OR5M3: variants seen among roughly 807,000 people sequenced by gnomAD.
The protein encoded by OR5M3 is olfactory receptor family 5 subfamily M member 3.
For missense variants in OR5M3, 384 were observed against 378.6 expected, an observed-to-expected ratio of 1.01 and a Z score of -0.12; for synonymous variants, 129 against 131.3, an observed-to-expected ratio of 0.98 and a Z score of 0.12.
chr11:56,470,581 T>A, intron 1 of OR5M3, 40 bp from the exon 2 acceptor site: 1 of 730,676 alleles, frequency 1.4e-6, no homozygotes, highest in Non-Finnish European at 2.1e-6. Flanking sequence ...ATTTATTTAT[T>A]AATTTATACC....
chr11:56,473,021 A>C (rs1565149256), intron 1 of OR5M3, among the ~76,000 whole-genome samples, 200 bp downstream of exon 1: 1 of 152,144 alleles, frequency 6.6e-6, no homozygotes, highest in Non-Finnish European at 1.5e-5. Context: ...AAATATGAAA[A>C]CAATTATCAG....
chr11:56,472,330 T>C (rs530009249), intron 1 of OR5M3, among the ~76,000 whole-genome samples: 7 of 152,208 alleles, frequency 4.6e-5, no homozygotes, highest in Admixed American at 3.9e-4. Flanking sequence ...ATCTCTAAGA[T>C]CCTTAGATTT....
At position 56,470,542 on chromosome 11, in the gene OR5M3, C is replaced by T. The variant is rs948846798; in HGVS notation, c.-44-1G>A. The T allele has an allele frequency of 2.7e-6, 3 of 1,091,730 alleles. No homozygotes were observed. Among genetic ancestry groups the T allele is most frequent in the Non-Finnish European group, 3.9e-6 (3 of 768,460 alleles). The allele number at this position is 1,091,730 out of a possible 1,614,324, so 67.6% of individuals were successfully genotyped here. A position where few individuals can be genotyped will look rare whatever the true frequency, so the allele number is the denominator to read the frequency against. ...TATCAGTTACAAAACTTTTTGATAA[C>T]TAAAATAAAATAAAGGAAATATTAG... is the stretch of plus-strand genomic sequence containing the variant. On this transcript the variant is annotated splice_acceptor_variant, in intron 1 of 1. Transcript: ENST00000641993. LOFTEE classifies it low-confidence loss of function (5UTR_SPLICE).
chr11:56,469,452 C>G lies in OR5M3; in HGVS notation c.*122G>C, dbSNP rs906377291. On this transcript the variant is annotated 3_prime_UTR_variant, in exon 2 of 2. Transcript: ENST00000641993. ...CCTTATATTTTCTCAATTTGTACCA[C>G]TTTTATTTTTCTTTTCAACCCACAG... 1 of 567,082 alleles carries G rather than the reference C, an allele frequency of 1.8e-6. No individual in the cohort carries two copies. The allele number at this position is 567,082 out of a possible 1,614,324, so 35.1% of individuals were successfully genotyped here.
intron 1 of OR5M3, among the ~76,000 whole-genome samples, chr11:56,471,632 C>T (rs548256819): frequency 1.3e-4 from 20 of 151,956 alleles, no homozygotes; most frequent in Middle Eastern, 3.4e-3. Context: ...TACACTCACA[C>T]GCACACACAC....
At chr11:56,471,641 ACCT>A (rs1853668295) in intron 1 of OR5M3, among the ~76,000 whole-genome samples, 1 of 151,674 alleles carries the variant, frequency 6.6e-6, no homozygotes, top group Non-Finnish European at 1.5e-5. Flanking sequence ...ACGCACACAC[ACCT>A]CTATTTATGT....
chr11:56,469,952 G>A lies in OR5M3; in HGVS notation c.546C>T (p.Leu182=). The A allele has an allele frequency of 1.2e-6, 2 of 1,613,054 alleles. No individual in the cohort carries two copies. The highest frequency in any genetic ancestry group is 2.2e-5 in the South Asian group (2 of 91,056). The change falls in exon 2 of 2, where the codon CTC becomes CTT. Residue 182 remains leucine (L), a synonymous_variant. Transcript: ENST00000641993. The part of the protein sequence containing the change: ...INHFYCADPP[L]IKMACAGTFV... ...AGGTCCCAGCACAGGCCATTTTGAT[G>A]AGAGGTGGATCTGCACAGTAGAAAT...
At position 56,473,203 on chromosome 11, in the gene OR5M3, G is replaced by A. The variant is rs1853683563; in HGVS notation, c.-45+18C>T. ...AAGCTCCATCTGACAATTCCAGATA[G>A]ATACATTTTTCACCAACCTGAGAAT... On this transcript the variant is annotated intron_variant, in intron 1 of 1. Transcript: ENST00000641993. 6.6e-6 allele frequency: 1 copy of A among 152,050 alleles called. No homozygotes were observed. Among genetic ancestry groups the A allele is most frequent in the African/African-American group, 2.4e-5 (1 of 41,418 alleles). 9.4% of individuals were successfully genotyped at this position (152,050 alleles called of 1,614,324 possible). A position where few individuals can be genotyped will look rare whatever the true frequency, so the allele number is the denominator to read the frequency against.
Position 56,470,535 on chromosome 11 carries a change from T to G in OR5M3, c.-38A>C, listed in dbSNP as rs1295568306. 5.9e-6 allele frequency: 7 copies of G among 1,188,190 alleles called. No individual in the cohort carries two copies. The highest frequency in any genetic ancestry group is 8.2e-6 in the Non-Finnish European group (7 of 848,784). The allele number at this position is 1,188,190 out of a possible 1,614,324, so 73.6% of individuals were successfully genotyped here. On this transcript the variant is annotated 5_prime_UTR_variant, in exon 2 of 2. Coordinates refer to ENST00000641993, the MANE Select transcript of OR5M3 (RefSeq NM_001004742.3). Reference sequence around the variant, plus strand: ...AAGTCAATATCAGTTACAAAACTTTTTGATAACTAAAATAAAATAAAGGAA... The same window carrying G: ...AAGTCAATATCAGTTACAAAACTTTGTGATAACTAAAATAAAATAAAGGAA...
chr11:56,472,637 G>A (rs144500864), intron 1 of OR5M3, among the ~76,000 whole-genome samples: 43 of 152,136 alleles, frequency 2.8e-4, no homozygotes, highest in Non-Finnish European at 4.9e-4. Context: ...TAGGGGGTGC[G>A]AAGTGTACAA....
Position 56,469,881 on chromosome 11 carries a change from G to A in OR5M3, c.617C>T (p.Thr206Ile). 1.2e-6 allele frequency: 2 copies of A among 1,613,210 alleles called. No homozygotes were observed. The highest frequency in any genetic ancestry group is 3.3e-4 in the Middle Eastern group (2 of 6,054). The change falls in exon 2 of 2, where the codon ACA (threonine) becomes ATA (isoleucine). Residue 206 changes from threonine (T) to isoleucine (I), a missense_variant. Coordinates refer to ENST00000641993, the MANE Select transcript of OR5M3 (RefSeq NM_001004742.3). Reference sequence around the variant, plus strand: ...GATGATAATTACAGTCAGGGAATATGTGAAGTTAATGCCGGCAAGTATGAT... The same window carrying A: ...GATGATAATTACAGTCAGGGAATATATGAAGTTAATGCCGGCAAGTATGAT... ...TMIILAGINF[T>I]YSLTVIIISY...
At chr11:56,472,277 A>G (rs1427022777) in intron 1 of OR5M3, among the ~76,000 whole-genome samples, 5 of 152,102 alleles carry the variant, frequency 3.3e-5, no homozygotes, top group Non-Finnish European at 7.4e-5. Flanking sequence ...GCCTTAGAAT[A>G]TATTTATATA....
chr11:56,470,711 T>C (rs1170972887), intron 1 of OR5M3, among the ~76,000 whole-genome samples, 170 bp from the exon 2 acceptor site: 3 of 152,114 alleles, frequency 2.0e-5, no homozygotes, highest in Non-Finnish European at 2.9e-5. Flanking sequence ...GTCCCTATTA[T>C]ATAACAATTA....
At chr11:56,470,915 T>C (rs1408774209) in intron 1 of OR5M3, among the ~76,000 whole-genome samples, 1 of 152,046 alleles carries the variant, frequency 6.6e-6, no homozygotes, top group Non-Finnish European at 1.5e-5. Flanking sequence ...TTTTACCTAA[T>C]CTCTTTTTCA....
intron 1 of OR5M3, among the ~76,000 whole-genome samples, chr11:56,471,001 A>G (rs577563491): frequency 3.5e-4 from 53 of 152,218 alleles, no homozygotes; most frequent in African/African-American, 1.3e-3. Flanking sequence ...TGTTATAAAA[A>G]TGTTTTTAAT....
intron 1 of OR5M3, among the ~76,000 whole-genome samples, chr11:56,471,688 T>C (rs1355740528): frequency 2.6e-5 from 4 of 151,962 alleles, no homozygotes; most frequent in African/African-American, 7.2e-5. Flanking sequence ...CACACATATG[T>C]ATATAAACAT....
At chr11:56,472,309 G>C (rs1019008752) in intron 1 of OR5M3, among the ~76,000 whole-genome samples, 34 of 152,168 alleles carry the variant, frequency 2.2e-4, no homozygotes, top group African/African-American at 7.7e-4. Flanking sequence ...ATCTGTTACA[G>C]AGTTGTTAAA....
At chr11:56,473,146 T>C (rs1352244139) in intron 1 of OR5M3, 75 bp downstream of exon 1, 2 of 152,130 alleles carry the variant, frequency 1.3e-5, no homozygotes, top group Non-Finnish European at 2.9e-5. Flanking sequence ...TGCATTTCTA[T>C]AAATCGTAAA....
At chr11:56,472,232 G>A (rs1239656409) in intron 1 of OR5M3, among the ~76,000 whole-genome samples, 1 of 151,954 alleles carries the variant, frequency 6.6e-6, no homozygotes, top group East Asian at 1.9e-4. Flanking sequence ...TTTTAAAAAT[G>A]AATAATAGTT....
Sources: allele counts gnomAD v4.1 joint callset (sites outside exome capture counted in the v4.1 genomes callset), GRCh38; gene constraint gnomAD v4.1.1; transcripts MANE v1.5; gene names NCBI Gene and HGNC (gene_info 2026-07-23, HGNC 2026-07-21).